The following DDAH1 variants were observed in gnomAD, a reference collection of about 807,000 sequenced individuals.
The protein encoded by DDAH1 is dimethylarginine dimethylaminohydrolase 1.
Under a neutral mutation model 28.8 loss-of-function variants are expected in DDAH1, and 19 were observed. The ratio of observed to expected loss-of-function variants is 0.66; its 90% CI spans 0.46 to 0.97. DDAH1 has a LOEUF of 0.97. DDAH1 is among the 50% of genes least tolerant of loss of function. The pLI, the probability that DDAH1 is intolerant of heterozygous loss-of-function variation, is 0.00. For synonymous variants in DDAH1, 153 were observed against 154.4 expected (o/e 0.99, Z 0.07); for missense variants, 326 against 375.9 (o/e 0.87, Z 1.10).
intron 2 of DDAH1, chr1:85,482,621 T>C (rs1027755821): frequency 3.9e-5 from 6 of 152,290 alleles, no homozygotes; most frequent in African/African-American, 1.4e-4. Context: ...ATGAAATACA[T>C]AGTGCATGCT....
At chr1:85,381,392 T>C (rs773065167) in intron 1 of DDAH1, among the ~76,000 whole-genome samples, 7 of 152,042 alleles carry the variant, frequency 4.6e-5, no homozygotes, top group Non-Finnish European at 8.8e-5. Flanking sequence ...GATTTTTGGT[T>C]ATATGGATAA....
chr1:85,359,540 A>G (rs1009033954), intron 1 of DDAH1, among the ~76,000 whole-genome samples: 3 of 152,232 alleles, frequency 2.0e-5, no homozygotes, highest in Non-Finnish European at 4.4e-5. Context: ...ACACAGTATA[A>G]TACATGGAAG....
At chr1:85,486,176 A>G (rs1229554768) in intron 2 of DDAH1, among the ~76,000 whole-genome samples, 1 of 152,188 alleles carries the variant, frequency 6.6e-6, no homozygotes, top group Non-Finnish European at 1.5e-5. Context: ...TACTATCACA[A>G]TGCCTAAGAA....
intron 1 of DDAH1, among the ~76,000 whole-genome samples, chr1:85,415,034 A>ATTTT (rs1652830177): frequency 2.3e-5 from 1 of 43,264 alleles, no homozygotes; most frequent in Non-Finnish European, 4.4e-5. Context: ...TTTTTTTTTG[A>ATTTT]GATGGAGTCT....
At position 85,321,532 on chromosome 1, in the gene DDAH1, C is replaced by T. The variant is rs770957315; in HGVS notation, c.778G>A (p.Val260Met). 8 of 1,614,040 alleles carry T rather than the reference C, an allele frequency of 5.0e-6. No individual in the cohort carries two copies. The highest frequency in any genetic ancestry group is 2.2e-5 in the East Asian group (1 of 44,882). ...ACCTTTTCCAGTTCAGACATGCTCA[C>T]GGGGATCAGCATATGGTCCTTCAGT... ...EKLKDHMLIP[V>M]SMSELEKVDG... The change falls in exon 6 of 6, where the codon GTG becomes ATG. Residue 260 changes from valine to methionine, a missense_variant. Transcript: ENST00000284031.
chr1:85,462,980 A>G (rs540374326), intron 1 of DDAH1, among the ~76,000 whole-genome samples: 2 of 152,376 alleles, frequency 1.3e-5, no homozygotes, highest in African/African-American at 4.8e-5. Context: ...TTTCAGGTAG[A>G]TTAATACATC....
chr1:85,550,834 T>C (rs1658767452), intron 1 of DDAH1, among the ~76,000 whole-genome samples: 1 of 152,212 alleles, frequency 6.6e-6, no homozygotes, highest in Admixed American at 6.5e-5. Context: ...ACGTGTCATC[T>C]ATCTGCTCTA....
chr1:85,321,492 G>C lies in DDAH1; in HGVS notation c.818C>G (p.Thr273Ser). The C allele has an allele frequency of 3.1e-6, 5 of 1,614,150 alleles. No homozygotes were observed. The South Asian group carries it at 4.4e-5, about 14-fold the overall frequency. ...CTTGTTAATTAAAACTGAGCAGCAGGTGAGCAGCCCATCCACCTTTTCCAG... is the reference window on the plus strand; with the variant it reads ...CTTGTTAATTAAAACTGAGCAGCAGCTGAGCAGCCCATCCACCTTTTCCAG... The part of the protein sequence containing the change: ...SELEKVDGLL[T>S]CCSVLINKKV... The change falls in exon 6 of 6, where the codon ACC (threonine) becomes AGC (serine). Residue 273 changes from threonine (T) to serine (S), a missense_variant. Transcript: ENST00000284031.
intron 4 of DDAH1, among the ~76,000 whole-genome samples, chr1:85,339,972 T>G (rs2100818997): frequency 6.6e-6 from 1 of 152,062 alleles, no homozygotes; most frequent in Non-Finnish European, 1.5e-5. Context: ...AAATCATCCT[T>G]TTTTTTTAAA....
chr1:85,398,481 T>C (rs1216303929), intron 1 of DDAH1: 1 of 152,224 alleles, frequency 6.6e-6, no homozygotes, highest in East Asian at 1.9e-4. Context: ...TGAATTCTTT[T>C]AGTGCACTAC....
At chr1:85,357,820 C>A (rs755345597) in intron 2 of DDAH1, among the ~76,000 whole-genome samples, 5 of 152,230 alleles carry the variant, frequency 3.3e-5, no homozygotes, top group African/African-American at 1.2e-4. Context: ...TGATTTTATA[C>A]AACACTAATT....
intron 1 of DDAH1, among the ~76,000 whole-genome samples, chr1:85,571,860 T>A (rs1659466234): frequency 6.7e-6 from 1 of 148,618 alleles, no homozygotes; most frequent in Admixed American, 6.8e-5. Context: ...GTAAATGATT[T>A]CAGAGAAGCA....
intron 1 of DDAH1, among the ~76,000 whole-genome samples, chr1:85,548,145 C>T (rs930939162): frequency 6.6e-6 from 1 of 152,128 alleles, no homozygotes; most frequent in Non-Finnish European, 1.5e-5. Flanking sequence ...TAATAAAATA[C>T]AAATTCTTTA....
chr1:85,356,357 T>C (rs971454477), intron 2 of DDAH1, among the ~76,000 whole-genome samples: 6 of 152,184 alleles, frequency 3.9e-5, no homozygotes, highest in Non-Finnish European at 8.8e-5. Flanking sequence ...CATTTCCTGA[T>C]AAATTATTAA....
chr1:85,322,134 G>T (rs1001875114), intron 5 of DDAH1, among the ~76,000 whole-genome samples: 2 of 151,988 alleles, frequency 1.3e-5, no homozygotes, highest in African/African-American at 4.8e-5. Context: ...TTTTGCCAGG[G>T]CTGGTCTTGG....
At chr1:85,331,559 A>G (rs1482787252) in intron 4 of DDAH1, among the ~76,000 whole-genome samples, 2 of 152,140 alleles carry the variant, frequency 1.3e-5, no homozygotes, top group Admixed American at 1.3e-4. Context: ...CATATCTAAA[A>G]TCATTTATTT....
chr1:85,431,852 C>A (rs1653701223), intron 1 of DDAH1, among the ~76,000 whole-genome samples: 1 of 152,162 alleles, frequency 6.6e-6, no homozygotes, highest in Non-Finnish European at 1.5e-5. Flanking sequence ...AGTGTCCCGC[C>A]ATTTCTCACA....
At chr1:85,416,056 C>T (rs1652871707) in intron 1 of DDAH1, among the ~76,000 whole-genome samples, 1 of 151,714 alleles carries the variant, frequency 6.6e-6, no homozygotes, top group Admixed American at 6.6e-5. Flanking sequence ...TAAAATAACC[C>T]CTTAATTTAT....
chr1:85,346,764 T>G (rs1247837081), intron 4 of DDAH1, among the ~76,000 whole-genome samples: 2 of 152,112 alleles, frequency 1.3e-5, no homozygotes, highest in Non-Finnish European at 2.9e-5. Context: ...AATTGCCCCA[T>G]TAGATCTAAT....
Sources: gnomAD v4.1 joint callset for allele counts (sites outside exome capture counted in the v4.1 genomes callset) on GRCh38, gnomAD v4.1.1 for gene constraint, MANE v1.5 for transcripts, NCBI Gene and HGNC (gene_info 2026-07-23, HGNC 2026-07-21) for gene names.